Variants in TENM2 observed in about 807,000 individuals in gnomAD.
TENM2 encodes the protein teneurin-2.
TENM2 carries 52 observed loss-of-function variants against 245.2 expected under a neutral mutation model. That is an observed-to-expected ratio of 0.21 (90% CI 0.17 to 0.27). The LOEUF (loss-of-function observed/expected upper bound fraction) is 0.27. Among genes scored for constraint, TENM2 ranks in the 10% least tolerant of loss-of-function variants. The pLI, the probability that TENM2 is intolerant of heterozygous loss-of-function variation, is 1.00. For synonymous variants in TENM2, 1,363 were observed against 1,438.9 expected (o/e 0.95, Z 1.19); for missense variants, 3,046 against 3,666.8 (o/e 0.83, Z 4.37).
intron 2 of TENM2, among the ~76,000 whole-genome samples, chr5:167,868,235 G>A (rs1200122931): frequency 6.6e-6 from 1 of 152,066 alleles, no homozygotes; most frequent in African/African-American, 2.4e-5. Context: ...CAACCAAAAA[G>A]TTCCCACACA....
chr5:167,494,413 G>C (rs1187937334), intron 2 of TENM2, among the ~76,000 whole-genome samples: 1 of 152,076 alleles, frequency 6.6e-6, no homozygotes. Flanking sequence ...TTTGAGCAAG[G>C]AGGTAATATA....
the TENM2 span, among the ~76,000 whole-genome samples, chr5:167,081,068 G>A: frequency 3.3e-5 from 5 of 151,492 alleles, no homozygotes; most frequent in Non-Finnish European, 5.9e-5. Context: ...AGTTTATCTT[G>A]GATGTTAAGC....
chr5:167,632,521 G>A (rs1172638807), intron 2 of TENM2, among the ~76,000 whole-genome samples: 2 of 151,988 alleles, frequency 1.3e-5, no homozygotes, highest in African/African-American at 4.8e-5. Flanking sequence ...AATCTACCCA[G>A]TTGAGAGACA....
At chr5:167,708,162 A>C (rs1432757139) in intron 2 of TENM2, among the ~76,000 whole-genome samples, 1 of 152,132 alleles carries the variant, frequency 6.6e-6, no homozygotes, top group Non-Finnish European at 1.5e-5. Flanking sequence ...TTATAATGTC[A>C]TGACATCTGG....
chr5:167,922,828 A>G (rs1777470864), intron 3 of TENM2, among the ~76,000 whole-genome samples: 1 of 152,110 alleles, frequency 6.6e-6, no homozygotes, highest in South Asian at 2.1e-4. Context: ...CCTCTTTCAG[A>G]TCCATCAGCA....
chr5:167,801,898 A>G (rs1765806837), intron 2 of TENM2, among the ~76,000 whole-genome samples: 1 of 29,040 alleles, frequency 3.4e-5, no homozygotes, highest in Admixed American at 5.6e-4. Flanking sequence ...AAACATGCAC[A>G]CACACAGACA....
intron 4 of TENM2, among the ~76,000 whole-genome samples, chr5:167,979,833 A>G (rs1327661502): frequency 6.6e-6 from 1 of 152,220 alleles, no homozygotes; most frequent in South Asian, 2.1e-4. Flanking sequence ...AACCGTGTGT[A>G]GGAATAATAC....
chr5:167,437,168 C>T (rs1010285965), intron 2 of TENM2, among the ~76,000 whole-genome samples: 1 of 152,120 alleles, frequency 6.6e-6, no homozygotes, highest in African/African-American at 2.4e-5. Flanking sequence ...AGGAGGGGGG[C>T]TATACCCTAC....
At chr5:167,600,661 G>C (rs1294455650) in intron 2 of TENM2, among the ~76,000 whole-genome samples, 1 of 152,186 alleles carries the variant, frequency 6.6e-6, no homozygotes, top group Admixed American at 6.5e-5. Context: ...TAGGGCCTCA[G>C]AGGCATTTTC....
chr5:167,103,902 G>A, the TENM2 span, among the ~76,000 whole-genome samples: 19 of 150,904 alleles, frequency 1.3e-4, no homozygotes, highest in South Asian at 4.2e-4. Context: ...ACACGCATGC[G>A]CACACACACA....
chr5:167,664,760 A>G (rs192087197), intron 2 of TENM2, among the ~76,000 whole-genome samples: 18 of 152,342 alleles, frequency 1.2e-4, no homozygotes, highest in Admixed American at 3.9e-4. Flanking sequence ...TTTGTCTTTT[A>G]TAGTAGTACC....
At chr5:167,298,558 C>T (rs1042108991) in intron 1 of TENM2, among the ~76,000 whole-genome samples, 2 of 152,096 alleles carry the variant, frequency 1.3e-5, no homozygotes, top group African/African-American at 2.4e-5. Context: ...GAGCCGAGAT[C>T]GTGCCACTGC....
intron 25 of TENM2, chr5:168,232,157 C>G (rs1317037743): frequency 6.6e-6 from 1 of 152,224 alleles, no homozygotes; most frequent in Non-Finnish European, 1.5e-5. Context: ...AGGAGAGGGA[C>G]AGTAAGGAGG....
intron 2 of TENM2, among the ~76,000 whole-genome samples, chr5:167,741,445 G>A (rs1020697036): frequency 6.6e-6 from 1 of 152,170 alleles, no homozygotes; most frequent in Non-Finnish European, 1.5e-5. Flanking sequence ...AGCACTTAAA[G>A]TGTGTTGTTC....
At chr5:167,342,078 T>G (rs1048417013) in intron 1 of TENM2, among the ~76,000 whole-genome samples, 1 of 152,236 alleles carries the variant, frequency 6.6e-6, no homozygotes, top group Non-Finnish European at 1.5e-5. Context: ...CATCTTGCAA[T>G]AGTATGGTGT....
chr5:167,041,215 A>T, the TENM2 span, among the ~76,000 whole-genome samples: 1 of 152,230 alleles, frequency 6.6e-6, no homozygotes, highest in Non-Finnish European at 1.5e-5. Context: ...ACTACACAGT[A>T]ATATGGATGC....
At chr5:167,861,317 C>T (rs1771782838) in intron 2 of TENM2, among the ~76,000 whole-genome samples, 2 of 152,128 alleles carry the variant, frequency 1.3e-5, no homozygotes, top group African/African-American at 4.8e-5. Flanking sequence ...TGTTTCAGTA[C>T]CACGGAGAGC....
intron 2 of TENM2, among the ~76,000 whole-genome samples, chr5:167,640,882 T>TATATATATATATGG (rs1779548758): frequency 1.5e-5 from 1 of 67,502 alleles, no homozygotes; most frequent in African/African-American, 9.6e-5. Flanking sequence ...TATATATATA[T>TATATATATATATGG]ATATATATAT....
intron 13 of TENM2, among the ~76,000 whole-genome samples, chr5:168,168,492 C>T (rs1301211259): frequency 6.6e-6 from 1 of 152,096 alleles, no homozygotes; most frequent in Non-Finnish European, 1.5e-5. Flanking sequence ...CCAGCCTCGG[C>T]AACATGGTGA....
Sources: allele counts gnomAD v4.1 joint callset (sites outside exome capture counted in the v4.1 genomes callset), GRCh38; gene constraint gnomAD v4.1.1; transcripts MANE v1.5; gene names NCBI Gene and HGNC (gene_info 2026-07-23, HGNC 2026-07-21).